The following RYR2 variants were observed in gnomAD, a reference collection of about 807,000 sequenced individuals.
RYR2 encodes cardiac muscle ryanodine receptor-calcium release channel.
Under a neutral mutation model 601.1 loss-of-function variants are expected in RYR2, and 227 were observed. The ratio of observed to expected loss-of-function variants is 0.38; its 90% confidence interval spans 0.34 to 0.42. RYR2 has a LOEUF of 0.42. RYR2 is among the 10% of genes least tolerant of loss of function. The pLI is 1.00. For missense variants in RYR2, 4,646 were observed against 6,156.5 expected, an observed-to-expected ratio of 0.75 and a Z score of 8.21; for synonymous variants, 2,223 against 2,175.1, an observed-to-expected ratio of 1.02 and a Z score of -0.61.
chr1:237,796,561 A>G (rs1224301211), intron 96 of RYR2, among the ~76,000 whole-genome samples: 1 of 152,182 alleles, frequency 6.6e-6, no homozygotes, highest in African/African-American at 2.4e-5. Context: ...ATACATTCAG[A>G]AAAAGCCAAT....
intron 1 of RYR2, among the ~76,000 whole-genome samples, chr1:237,137,574 C>T (rs1346629164): frequency 6.6e-6 from 1 of 152,130 alleles, no homozygotes; most frequent in Non-Finnish European, 1.5e-5. Context: ...TGATGTTTCT[C>T]GAAGGGGAGT....
At chr1:237,334,340 T>C (rs961297232) in intron 3 of RYR2, among the ~76,000 whole-genome samples, 1 of 151,950 alleles carries the variant, frequency 6.6e-6, no homozygotes, top group Non-Finnish European at 1.5e-5. Flanking sequence ...AAAAAGTTGC[T>C]TATTGTGACT....
intron 25 of RYR2, among the ~76,000 whole-genome samples, chr1:237,540,164 C>G (rs1331552262): frequency 7.9e-5 from 12 of 151,940 alleles, no homozygotes; most frequent in Admixed American, 7.9e-4. Context: ...GTTTGATGAG[C>G]CTAGAGTTAA....
intron 82 of RYR2, among the ~76,000 whole-genome samples, chr1:237,758,854 T>C (rs893670932): frequency 1.3e-5 from 2 of 152,242 alleles, no homozygotes; most frequent in Non-Finnish European, 2.9e-5. Flanking sequence ...CGTTATGCTA[T>C]GTAACAGTAA....
chr1:237,788,231 GT>G, intron 92 of RYR2, 96 bp downstream of exon 92: 1 of 926,094 alleles, frequency 1.1e-6, no homozygotes, highest in Non-Finnish European at 1.6e-6. Flanking sequence ...CTGAGTGGCA[GT>G]TAGGGAACCA....
intron 101 of RYR2, among the ~76,000 whole-genome samples, chr1:237,825,245 C>T (rs576576561): frequency 1.1e-4 from 17 of 152,268 alleles, no homozygotes; most frequent in Admixed American, 3.9e-4. Flanking sequence ...GGAGGCATCA[C>T]ACTACCTGAC....
At chr1:237,617,164 C>A in intron 37 of RYR2, 122 bp from the exon 38 acceptor site, 1 of 925,114 alleles carries the variant, frequency 1.1e-6, no homozygotes, top group Non-Finnish European at 1.6e-6. Context: ...TATACAAAAT[C>A]AGGATTCTGT....
intron 34 of RYR2, among the ~76,000 whole-genome samples, chr1:237,601,679 C>T (rs1367650331): frequency 6.6e-6 from 1 of 151,986 alleles, no homozygotes; most frequent in East Asian, 1.9e-4. Flanking sequence ...ATGCAAGTAT[C>T]AAAACATCAT....
intron 6 of RYR2, among the ~76,000 whole-genome samples, chr1:237,372,887 C>T (rs1700746401): frequency 1.3e-5 from 2 of 152,042 alleles, no homozygotes; most frequent in African/African-American, 2.4e-5. Flanking sequence ...GTTTTAGGTC[C>T]TGGATATAGT....
chr1:237,679,186 A>G (rs1365578529), intron 61 of RYR2, among the ~76,000 whole-genome samples: 3 of 152,172 alleles, frequency 2.0e-5, no homozygotes, highest in Admixed American at 6.5e-5. Context: ...TTGATAGCCA[A>G]TTATCAGAAT....
chr1:237,383,417 GTTTTTTTTTTTTTTTT>G lies in RYR2; in HGVS notation c.577-3849_577-3834del, dbSNP rs10567644. Among the ~76,000 whole-genome samples the G allele has an allele frequency of 3.2e-4, 16 of 50,580 alleles. No individual in the cohort carries two copies. In the East Asian group the frequency reaches 6.5e-3, roughly 21 times the overall value. 33.2% of individuals were successfully genotyped at this position (50,580 alleles called of 152,430 possible). The stretch of plus-strand genomic sequence containing the variant: ...TTTACATTTTCTTTTCTTTTTTCTT[GTTTTTTTTTTTTTTTT>G]TTTTTTTTTTTTTTGAGACAGAGTC... On this transcript the variant is annotated intron_variant, in intron 8 of 104. Transcript: ENST00000366574.
At position 237,617,279 on chromosome 1, in the gene RYR2, C is replaced by A. The variant is rs781548919; in HGVS notation, c.5716-7C>A. 1 of 1,606,430 alleles carries A rather than the reference C, an allele frequency of 6.2e-7. No individual in the cohort carries two copies. Among genetic ancestry groups the A allele is most frequent in the Non-Finnish European group, 8.5e-7 (1 of 1,176,066 alleles). ...TTAAATTTGGTGTCTTTTTAATGGT[C>A]TCTTAGATGTGCCTACTGCTTCAGT... is the stretch of plus-strand genomic sequence containing the variant. On this transcript the variant is annotated splice_polypyrimidine_tract_variant and splice_region_variant and intron_variant, in intron 37 of 104. Transcript: ENST00000366574.
At chr1:237,363,339 A>G (rs1280658242) in intron 4 of RYR2, among the ~76,000 whole-genome samples, 1 of 152,128 alleles carries the variant, frequency 6.6e-6, no homozygotes, top group African/African-American at 2.4e-5. Flanking sequence ...CCAAGGATGA[A>G]AGCTTCTTTA....
intron 42 of RYR2, among the ~76,000 whole-genome samples, chr1:237,632,090 T>C (rs1026565752): frequency 6.6e-6 from 1 of 152,208 alleles, no homozygotes; most frequent in East Asian, 1.9e-4. Flanking sequence ...TTATACTGTG[T>C]AATTTTTGGC....
chr1:237,788,423 T>G (rs192266800), intron 92 of RYR2, among the ~76,000 whole-genome samples: 26 of 152,280 alleles, frequency 1.7e-4, no homozygotes, highest in African/African-American at 5.5e-4. Flanking sequence ...ACAAAGACAT[T>G]AGGACAAGTG....
intron 6 of RYR2, 109 bp downstream of exon 6, chr1:237,369,717 G>A (rs1396059399): frequency 2.4e-6 from 2 of 842,874 alleles, no homozygotes; most frequent in Admixed American, 2.5e-5. Flanking sequence ...AATGAGCTTG[G>A]ATGTTTGTGT....
chr1:237,251,760 C>T (rs1687486849), intron 1 of RYR2, among the ~76,000 whole-genome samples: 1 of 152,142 alleles, frequency 6.6e-6, no homozygotes, highest in Non-Finnish European at 1.5e-5. Flanking sequence ...AACTTGATAT[C>T]TCACTTGGAA....
At chr1:237,441,773 A>C (rs1707924083) in intron 13 of RYR2, among the ~76,000 whole-genome samples, 1 of 152,078 alleles carries the variant, frequency 6.6e-6, no homozygotes, top group South Asian at 2.1e-4. Context: ...TTTGTCCTCC[A>C]TGCTGTGACA....
chr1:237,760,848 C>T, intron 83 of RYR2, 107 bp from the exon 84 acceptor site: 2 of 552,206 alleles, frequency 3.6e-6, no homozygotes, highest in Non-Finnish European at 6.5e-6. Flanking sequence ...TGTACGTTAA[C>T]ATTTGCTTCA....
Sources: gnomAD v4.1 joint callset for allele counts (sites outside exome capture counted in the v4.1 genomes callset) on GRCh38, gnomAD v4.1.1 for gene constraint, MANE v1.5 for transcripts, NCBI Gene and HGNC (gene_info 2026-07-23, HGNC 2026-07-21) for gene names.